Variants in WT1 observed in about 807,000 individuals in gnomAD.
WT1 encodes the protein Wilms tumor protein.
WT1 carries 8 observed loss-of-function variants against 60.8 expected under a neutral mutation model. That is an observed-to-expected ratio of 0.13 (90% CI 0.08 to 0.24). The LOEUF (loss-of-function observed/expected upper bound fraction) is 0.24. WT1 is among the 10% of genes least tolerant of loss of function. WT1 has a pLI of 1.00. For synonymous variants in WT1, 312 were observed against 297.1 expected, an observed-to-expected ratio of 1.05 and a Z score of -0.52; for missense variants, 568 against 711.8, an observed-to-expected ratio of 0.80 and a Z score of 2.30.
intron 6 of WT1, among the ~76,000 whole-genome samples, chr11:32,398,426 A>C (rs1450756549): frequency 2.0e-5 from 3 of 152,198 alleles, no homozygotes; most frequent in Non-Finnish European, 4.4e-5. Context: ...GGCAGACTGA[A>C]GGTCTACGGA....
Position 32,428,610 on chromosome 11 carries a change from G to T in WT1, c.671C>A (p.Thr224Lys). The change falls in exon 2 of 10, where the codon ACG becomes AAG. Residue 224 changes from threonine to lysine, a missense_variant. Transcript: ENST00000452863. The stretch of plus-strand genomic sequence containing the variant: ...GCTGGGCGTCCCGTCGAAGGTGACC[G>T]TGCTGTAACCTGCGGGAGCGGCGGA... 6.2e-7 allele frequency: 1 copy of T among 1,613,464 alleles called. No homozygotes were observed. The highest frequency in any genetic ancestry group is 8.5e-7 in the Non-Finnish European group (1 of 1,179,990).
At chr11:32,428,694 C>G (rs2133076818) in intron 1 of WT1, 75 bp from the exon 2 acceptor site, 15 of 1,524,130 alleles carry the variant, frequency 9.8e-6, no homozygotes, top group African/African-American at 5.2e-5. Context: ...GAACCAGCCA[C>G]GGGCGGGGGG....
At chr11:32,404,455 T>C (rs747189340) in intron 5 of WT1, among the ~76,000 whole-genome samples, 2 of 151,974 alleles carry the variant, frequency 1.3e-5, no homozygotes, top group Non-Finnish European at 2.9e-5. Flanking sequence ...CATGAGGCTA[T>C]GGTTCCAAGT....
At position 32,435,502 on chromosome 11, in the gene WT1, G is replaced by T; in HGVS notation, c.-142C>A. The stretch of plus-strand genomic sequence containing the variant: ...CGGTCGGGTTGCGGAGAGCCCCCGG[G>T]TGTGGGCGCTGCCTTGAACTCCTTA... On this transcript the variant is annotated 5_prime_UTR_variant, in exon 1 of 10. Coordinates refer to ENST00000452863, the MANE Select transcript of WT1 (RefSeq NM_024426.6). 7.5e-7 allele frequency: 1 copy of T among 1,338,188 alleles called. No individual in the cohort carries two copies. Among genetic ancestry groups the T allele is most frequent in the Non-Finnish European group, 1.0e-6 (1 of 991,442 alleles). The allele number at this position is 1,338,188 out of a possible 1,614,324, so 82.9% of individuals were successfully genotyped here.
At position 32,388,664 on chromosome 11, in the gene WT1, G is replaced by A; in HGVS notation, c.*394C>T. 2.9e-6 allele frequency: 1 copy of A among 346,968 alleles called. No homozygotes were observed. The allele number at this position is 346,968 out of a possible 1,614,324, so 21.5% of individuals were successfully genotyped here. A position where few individuals can be genotyped will look rare whatever the true frequency, so the allele number is the denominator to read the frequency against. ...TTAGCAGACACATACACATGCCCTGGCCTATAAATATTCCATGATAGAAAA... is the reference window on the plus strand; with the variant it reads ...TTAGCAGACACATACACATGCCCTGACCTATAAATATTCCATGATAGAAAA... On this transcript the variant is annotated 3_prime_UTR_variant, in exon 10 of 10. Transcript: ENST00000452863.
In WT1 at chr11:32,388,186, A is replaced by G. The variant is rs576023116; in HGVS notation, c.*872T>C. ...CCTATTTTCTTTTAAAGTCACTTTC[A>G]TTTTTACAACTTGAAGCCATATACC... is the stretch of plus-strand genomic sequence containing the variant. On this transcript the variant is annotated 3_prime_UTR_variant, in exon 10 of 10. Transcript: ENST00000452863. The G allele has an allele frequency of 4.3e-6, 1 of 233,710 alleles. No homozygotes were observed. Among genetic ancestry groups the G allele is most frequent in the South Asian group, 1.8e-4 (1 of 5,516 alleles). 14.5% of individuals were successfully genotyped at this position (233,710 alleles called of 1,614,324 possible). A position where few individuals can be genotyped will look rare whatever the true frequency, so the allele number is the denominator to read the frequency against.
chr11:32,434,153 A>G (rs748621033), intron 1 of WT1, among the ~76,000 whole-genome samples: 2 of 152,234 alleles, frequency 1.3e-5, no homozygotes, highest in Non-Finnish European at 2.9e-5. Context: ...CTAGTTCTCT[A>G]CGATACTTAA....
chr11:32,389,794 A>T (rs1256960088), intron 9 of WT1, among the ~76,000 whole-genome samples: 2 of 151,932 alleles, frequency 1.3e-5, no homozygotes, highest in East Asian at 3.9e-4. Context: ...GGAAGATTCT[A>T]GTTGGGGCGT....
chr11:32,403,908 G>A (rs992684337), intron 5 of WT1, among the ~76,000 whole-genome samples: 1 of 152,164 alleles, frequency 6.6e-6, no homozygotes, highest in South Asian at 2.1e-4. Flanking sequence ...CCATCTGTGT[G>A]TATCTCCTCT....
chr11:32,414,026 G>A (rs7112566), intron 5 of WT1, among the ~76,000 whole-genome samples: 1,529 of 152,274 alleles, frequency 0.01, 26 homozygotes, highest in African/African-American at 0.035. Context: ...CCCCTCACAC[G>A]GCACCCAATA....
chr11:32,408,514 T>TAAAAAAAAAA (rs58685266), intron 5 of WT1, among the ~76,000 whole-genome samples: 22 of 74,234 alleles, frequency 3.0e-4, no homozygotes, highest in African/African-American at 3.7e-4. Context: ...GACTACGTCT[T>TAAAAAAAAAA]AAAAAAAAAA....
rs1468366621 is a variant in WT1, at chr11:32,435,384, G to T, written c.-24C>A. ...AGGATCGCGGCGAGGAGACGGCGGG[G>T]CCCGGGCGCCTGGGCTGCCGTCCCG... On this transcript the variant is annotated 5_prime_UTR_variant, in exon 1 of 10. Transcript: ENST00000452863. The T allele has an allele frequency of 1.5e-5, 23 of 1,516,838 alleles. No individual in the cohort carries two copies. Among genetic ancestry groups the T allele is most frequent in the Non-Finnish European group, 1.9e-5 (22 of 1,135,564 alleles). The allele number at this position is 1,516,838 out of a possible 1,614,324, so 94.0% of individuals were successfully genotyped here.
chr11:32,391,759 C>T (rs1851823636), intron 9 of WT1, among the ~76,000 whole-genome samples: 3 of 152,112 alleles, frequency 2.0e-5, no homozygotes, highest in Non-Finnish European at 4.4e-5. Context: ...CATTCTTTTC[C>T]CATCTTTCTC....
Position 32,388,850 on chromosome 11 carries a change from G to A in WT1, c.*208C>T, listed in dbSNP as rs560907250. 2.5e-6 allele frequency: 2 copies of A among 810,868 alleles called. No homozygotes were observed. Among genetic ancestry groups the A allele is most frequent in the East Asian group, 2.7e-5 (1 of 36,446 alleles). The allele number at this position is 810,868 out of a possible 1,614,324, so 50.2% of individuals were successfully genotyped here. On this transcript the variant is annotated 3_prime_UTR_variant, in exon 10 of 10. Coordinates refer to ENST00000452863, the MANE Select transcript of WT1 (RefSeq NM_024426.6). ...ATTGTTAGCTGCTTCTCCAGGGCCT[G>A]TGAGTCAACTAAAAGTAGGCAGGGC...
At chr11:32,394,763 A>G (rs540500557) in intron 7 of WT1, among the ~76,000 whole-genome samples, 12 of 152,198 alleles carry the variant, frequency 7.9e-5, no homozygotes, top group Non-Finnish European at 1.8e-4. Context: ...ATCTTCTGCA[A>G]GGAAGAGTTT....
intron 5 of WT1, among the ~76,000 whole-genome samples, chr11:32,402,278 G>A (rs1432894320): frequency 6.6e-6 from 1 of 152,140 alleles, no homozygotes; most frequent in Non-Finnish European, 1.5e-5. Context: ...GCAAAAATTG[G>A]GCAAAAATGC....
Position 32,434,907 on chromosome 11 carries a change from C to T in WT1, c.454G>A (p.Gly152Ser). Residue 152 changes from glycine (G) to serine (S), a missense_variant, in exon 1 of 10, where the codon GGC (glycine) becomes AGC (serine). Physicochemically the swap from Gly to Ser is moderately conservative, Grantham distance 56. Coordinates refer to ENST00000452863, the MANE Select transcript of WT1 (RefSeq NM_024426.6). ...TGCTCCTCGTGCGGCTCCGCGCCGC[C>T]CCAGCTCGGCTCCTGTTTGATGAAG... 1.2e-6 allele frequency: 2 copies of T among 1,610,156 alleles called. No individual in the cohort carries two copies. The highest frequency in any genetic ancestry group is 1.1e-5 in the South Asian group (1 of 90,818).
intron 9 of WT1, 44 bp from the exon 10 acceptor site, chr11:32,389,223 C>T (rs1851748375): frequency 1.2e-6 from 2 of 1,613,680 alleles, no homozygotes; most frequent in South Asian, 2.2e-5. Context: ...AACAAAGAGA[C>T]AGGCACAAGT....
At chr11:32,401,431 C>A (rs1852151360) in intron 5 of WT1, among the ~76,000 whole-genome samples, 1 of 152,004 alleles carries the variant, frequency 6.6e-6, no homozygotes, top group Admixed American at 6.6e-5. Context: ...ATACTAAAAA[C>A]CATTGCATTG....
Sources: gnomAD v4.1 joint callset for allele counts (sites outside exome capture counted in the v4.1 genomes callset) on GRCh38, gnomAD v4.1.1 for gene constraint, MANE v1.5 for transcripts, NCBI Gene and HGNC (gene_info 2026-07-23, HGNC 2026-07-21) for gene names.